Variants in NCAPD3 observed in about 807,000 individuals in gnomAD.
NCAPD3 encodes the protein condensin-2 complex subunit D3.
In NCAPD3, 105 loss-of-function variants were observed where a neutral mutation model predicts 182.9. The ratio of observed to expected loss-of-function variants is 0.57; its 90% CI spans 0.49 to 0.68. The LOEUF (loss-of-function observed/expected upper bound fraction) is 0.68. Among genes scored for constraint, NCAPD3 ranks in the 30% least tolerant of loss-of-function variants. NCAPD3 has a pLI of 0.00. For missense variants in NCAPD3, 1,944 were observed against 1,837.0 expected, an observed-to-expected ratio of 1.06 and a Z score of -1.07; for synonymous variants, 815 against 679.9, an observed-to-expected ratio of 1.20 and a Z score of -3.09.
Position 134,150,888 on chromosome 11 carries a change from G to A in NCAPD3, c.*2056C>T, listed in dbSNP as rs910203497. ...GGAGCAGCCAGGTGAAAGGCCTGGC[G>A]GGGAGGAAAGTGAAACGCCTGAATC... On this transcript the variant is annotated 3_prime_UTR_variant, in exon 35 of 35. Coordinates refer to ENST00000534548, the MANE Select transcript of NCAPD3 (RefSeq NM_015261.3). The A allele has an allele frequency of 1.3e-5, 2 of 152,160 alleles. No homozygotes were observed. The highest frequency in any genetic ancestry group is 6.5e-5 in the Admixed American group (1 of 15,292). 9.4% of individuals were successfully genotyped at this position (152,160 alleles called of 1,614,324 possible). A position where few individuals can be genotyped will look rare whatever the true frequency, so the allele number is the denominator to read the frequency against.
intron 27 of NCAPD3, among the ~76,000 whole-genome samples, chr11:134,164,824 C>T (rs1943713792): frequency 2.2e-5 from 3 of 139,260 alleles, no homozygotes; most frequent in Admixed American, 7.3e-5. Flanking sequence ...CATGAAATGA[C>T]CTTAGGGGAG....
At chr11:134,218,114 G>GGA (rs1181389527) in intron 2 of NCAPD3, among the ~76,000 whole-genome samples, 4 of 109,966 alleles carry the variant, frequency 3.6e-5, no homozygotes, top group Non-Finnish European at 8.1e-5. Context: ...AAAAAAAGGG[G>GGA]GGGGGGGGAA....
In NCAPD3 at chr11:134,152,693, A is replaced by AAGTT. The variant is rs780778361; in HGVS notation, c.*247_*250dup. ...GGGCTTGACACTTTCAAATGGAATA[A>AAGTT]AGTTACAATATTAAACAGATTAGGG... On this transcript the variant is annotated 3_prime_UTR_variant, in exon 35 of 35. Transcript: ENST00000534548. 4 of 379,178 alleles carry AAGTT rather than the reference A, an allele frequency of 1.1e-5. No individual in the cohort carries two copies. The highest frequency in any genetic ancestry group is 1.9e-5 in the Non-Finnish European group (4 of 213,398). 23.5% of individuals were successfully genotyped at this position (379,178 alleles called of 1,614,324 possible).
chr11:134,152,913 T>C lies in NCAPD3; in HGVS notation c.*31A>G, dbSNP rs957025176. On this transcript the variant is annotated 3_prime_UTR_variant, in exon 35 of 35. Transcript: ENST00000534548. ...ACGAGACTGCTTCCTCAAGGGCTCC[T>C]GCCTGCCTGGACACTGGTGGGAGGC... The C allele has an allele frequency of 1.3e-6, 2 of 1,491,932 alleles. No individual in the cohort carries two copies. The highest frequency in any genetic ancestry group is 1.8e-6 in the Non-Finnish European group (2 of 1,110,262). 92.4% of individuals were successfully genotyped at this position (1,491,932 alleles called of 1,614,324 possible).
Position 134,152,103 on chromosome 11 carries a change from GCATT to G in NCAPD3, c.*837_*840del, listed in dbSNP as rs1442649896. On this transcript the variant is annotated 3_prime_UTR_variant, in exon 35 of 35. Transcript: ENST00000534548. ...TTCTGGATATTGTTGAACAAAAATA[GCATT>G]CAGTTTACCCACTAGTGCTAACAGA... The G allele has an allele frequency of 6.6e-6, 1 of 152,240 alleles. No individual in the cohort carries two copies. Among genetic ancestry groups the G allele is most frequent in the Non-Finnish European group, 1.5e-5 (1 of 68,044 alleles). 9.4% of individuals were successfully genotyped at this position (152,240 alleles called of 1,614,324 possible).
At chr11:134,212,847 G>A (rs1390088132) in intron 3 of NCAPD3, among the ~76,000 whole-genome samples, 1 of 151,986 alleles carries the variant, frequency 6.6e-6, no homozygotes, top group African/African-American at 2.4e-5. Flanking sequence ...TACACCAAAA[G>A]AGACAAGGGA....
intron 29 of NCAPD3, among the ~76,000 whole-genome samples, chr11:134,158,947 A>C (rs1338147328): frequency 6.6e-6 from 1 of 152,158 alleles, no homozygotes; most frequent in Non-Finnish European, 1.5e-5. Context: ...TGTTTGGCTT[A>C]TTTCACTTAA....
intron 16 of NCAPD3, among the ~76,000 whole-genome samples, chr11:134,187,661 C>T (rs935069618): frequency 1.3e-5 from 2 of 152,120 alleles, no homozygotes; most frequent in African/African-American, 4.8e-5. Flanking sequence ...CCACCCTAAG[C>T]CAGAAGAAGA....
intron 27 of NCAPD3, among the ~76,000 whole-genome samples, chr11:134,163,709 A>G (rs1262287496): frequency 2.0e-5 from 3 of 149,674 alleles, no homozygotes; most frequent in South Asian, 2.1e-4. Context: ...TCAAAAAAAA[A>G]AAAAAAAAAA....
At chr11:134,154,185 T>C (rs944265594) in intron 32 of NCAPD3, 1 of 152,270 alleles carries the variant, frequency 6.6e-6, no homozygotes, top group Non-Finnish European at 1.5e-5. Context: ...TCGTGCTGGC[T>C]GCAAGGGCAG....
rs370256378 is a variant in NCAPD3 at position 134,152,958 on chromosome 11, T to A, written c.4483A>T (p.Lys1495Ter). The A allele has an allele frequency of 9.8e-5, 153 of 1,558,594 alleles. No individual in the cohort carries two copies. Among genetic ancestry groups the A allele is most frequent in the Non-Finnish European group, 1.3e-4 (148 of 1,153,154 alleles). Residue 1495 changes from lysine to a stop codon, truncating the protein, a stop_gained, in exon 35 of 35, where the codon AAA (lysine) becomes TAA (stop). Coordinates refer to ENST00000534548, the MANE Select transcript of NCAPD3 (RefSeq NM_015261.3). LOFTEE classifies it high-confidence loss of function. ...SRRSLRKTPL[K>*]TAN ...GGAGGCGCTGTTTAGTTGGCTGTTT[T>A]CAGAGGGGTCTTTCGGAGGGACCTC...
chr11:134,218,971 A>C (rs1430536524), intron 2 of NCAPD3, among the ~76,000 whole-genome samples: 1 of 152,224 alleles, frequency 6.6e-6, no homozygotes, highest in Non-Finnish European at 1.5e-5. Context: ...CTTGAGGATT[A>C]AATGAGTTAA....
chr11:134,217,210 C>G, intron 2 of NCAPD3, 112 bp from the exon 3 acceptor site: 1 of 866,850 alleles, frequency 1.2e-6, no homozygotes, highest in East Asian at 3.0e-5. Flanking sequence ...ATAGAGTAGC[C>G]TGGCTCCTAC....
intron 27 of NCAPD3, among the ~76,000 whole-genome samples, chr11:134,162,203 T>C (rs1048207133): frequency 6.6e-6 from 1 of 152,220 alleles, no homozygotes; most frequent in Non-Finnish European, 1.5e-5. Flanking sequence ...CAGAAGACCC[T>C]GAGGGACCTT....
rs769394867 is a variant in NCAPD3 at position 134,220,646 on chromosome 11, T to A, written c.145A>T (p.Thr49Ser). The stretch of plus-strand genomic sequence containing the variant: ...AGTTTTGTGAATGCAGCCAATCCAG[T>A]CTCTATGATCTCTGCTTCTATGCTG... The part of the protein sequence containing the change: ...DPSIEAEIIE[T>S]GLAAFTKLYE... Residue 49 changes from threonine (T) to serine (S), a missense_variant, in exon 2 of 35, where the codon ACT (threonine) becomes TCT (serine). This residue lies in a region of NCAPD3 where 131 missense variants were observed against 133.9 expected (regional missense o/e 0.98). Transcript: ENST00000534548. The A allele has an allele frequency of 6.2e-7, 1 of 1,613,974 alleles. No individual in the cohort carries two copies. Among genetic ancestry groups the A allele is most frequent in the Admixed American group, 1.7e-5 (1 of 60,020 alleles).
chr11:134,157,485 A>G (rs779008882), intron 31 of NCAPD3, among the ~76,000 whole-genome samples: 2 of 152,232 alleles, frequency 1.3e-5, no homozygotes, highest in Non-Finnish European at 2.9e-5. Flanking sequence ...CATTTCAAAG[A>G]ACAGGATAGT....
chr11:134,184,535 G>A (rs1020131510), intron 19 of NCAPD3, 102 bp downstream of exon 19: 6 of 770,596 alleles, frequency 7.8e-6, no homozygotes, highest in Admixed American at 3.0e-5. Flanking sequence ...ATCCTTACAC[G>A]TCCTCTTATT....
intron 25 of NCAPD3, 91 bp downstream of exon 25, chr11:134,168,826 T>C: frequency 6.7e-7 from 1 of 1,493,794 alleles, no homozygotes; most frequent in Non-Finnish European, 9.1e-7. Flanking sequence ...AGGGTCTGCG[T>C]CCAATCACTA....
chr11:134,191,576 G>A (rs554545754), intron 16 of NCAPD3, among the ~76,000 whole-genome samples: 1 of 152,180 alleles, frequency 6.6e-6, no homozygotes, highest in African/African-American at 2.4e-5. Context: ...GGCCTCTCCT[G>A]CTTTTTTGCA....
Sources: gnomAD v4.1 joint callset for allele counts (sites outside exome capture counted in the v4.1 genomes callset) on GRCh38, gnomAD v4.1.1 for gene constraint, gnomAD v4.1.1 regional missense constraint, MANE v1.5 for transcripts, NCBI Gene and HGNC (gene_info 2026-07-23, HGNC 2026-07-21) for gene names.